Variants in PCDHA2 observed in about 807,000 individuals in gnomAD.
PCDHA2 encodes the protein protocadherin alpha 2.
Under a neutral mutation model 66.0 loss-of-function variants are expected in PCDHA2, and 58 were observed. That is an observed-to-expected ratio of 0.88 (90% CI 0.71 to 1.09). PCDHA2 has a LOEUF of 1.09. Ranked by LOEUF, PCDHA2 falls within the 50% of genes least tolerant of loss-of-function variation. PCDHA2 has a pLI of 0.00. For missense variants in PCDHA2, 1,267 were observed against 1,242.3 expected (o/e 1.02, Z -0.30); for synonymous variants, 634 against 554.0 (o/e 1.14, Z -2.03).
At chr5:140,986,530 G>C (rs1341824536) in intron 3 of PCDHA2, among the ~76,000 whole-genome samples, 1 of 152,162 alleles carries the variant, frequency 6.6e-6, no homozygotes, top group African/African-American at 2.4e-5. Context: ...GAGGGAACTG[G>C]CCTGGCTTCA....
At chr5:140,941,221 T>TTCTTTCTTTCTTTCTTTCTTTCTC (rs2092905955) in intron 1 of PCDHA2, among the ~76,000 whole-genome samples, 1 of 131,536 alleles carries the variant, frequency 7.6e-6, no homozygotes, top group Admixed American at 7.9e-5. Context: ...CTTCCTTTCT[T>TTCTTTCTTTCTTTCTTTCTTTCTC]TCTTTCTTTC....
chr5:140,927,077 G>A (rs568623488), intron 1 of PCDHA2: 1 of 1,610,844 alleles, frequency 6.2e-7, no homozygotes, highest in Non-Finnish European at 8.5e-7. Context: ...TCCAGCCACC[G>A]CGAGCTCTAC....
At chr5:140,950,043 A>T (rs1011500100) in intron 1 of PCDHA2, among the ~76,000 whole-genome samples, 1 of 151,950 alleles carries the variant, frequency 6.6e-6, no homozygotes, top group Non-Finnish European at 1.5e-5. Flanking sequence ...TTACAACCAT[A>T]TAAGACTATT....
At chr5:140,972,296 T>C (rs1303430452) in intron 1 of PCDHA2, among the ~76,000 whole-genome samples, 2 of 151,468 alleles carry the variant, frequency 1.3e-5, no homozygotes, top group Non-Finnish European at 2.9e-5. Flanking sequence ...TGCGCCACCG[T>C]GTCTGACTAG....
chr5:140,830,141 G>A (rs1770846453), intron 1 of PCDHA2: 1 of 1,613,282 alleles, frequency 6.2e-7, no homozygotes, highest in African/African-American at 1.3e-5. Context: ...ACGGGCGTCG[G>A]TGGGCGCCGC....
At chr5:140,852,971 C>G (rs2150526229) in intron 1 of PCDHA2, 1 of 376,366 alleles carries the variant, frequency 2.7e-6, no homozygotes, top group African/African-American at 2.2e-5. Flanking sequence ...CTCCCCCTCC[C>G]GTGTTCACGC....
rs150956127 is a variant in PCDHA2 at position 140,830,448 on chromosome 5, C to T, written c.2388+33096C>T. The T allele has an allele frequency of 8.1e-3, 12,933 of 1,600,458 alleles. 78 individuals are homozygous for T. The highest frequency in any genetic ancestry group is 9.4e-3 in the Non-Finnish European group (10,993 of 1,171,708). The stretch of plus-strand genomic sequence containing the variant: ...CCTTGTCCTATTATGATGGGTAAGG[C>T]GGAGAATCAGGATTTAAATGAAGAT... On this transcript the variant is annotated intron_variant, in intron 1 of 3. Transcript: ENST00000526136.
chr5:140,876,536 TG>T (rs781943442), intron 1 of PCDHA2: 1 of 1,614,238 alleles, frequency 6.2e-7, no homozygotes, highest in South Asian at 1.1e-5. Flanking sequence ...GTTACTTCAC[TG>T]TCGCTCCCTG....
At chr5:140,923,495 C>T (rs1274980788) in intron 1 of PCDHA2, among the ~76,000 whole-genome samples, 2 of 152,060 alleles carry the variant, frequency 1.3e-5, no homozygotes, top group African/African-American at 4.8e-5. Context: ...CACCACTGCA[C>T]TCCAGCCTGG....
intron 1 of PCDHA2, chr5:140,861,372 A>G (rs2046882996): frequency 8.6e-5 from 35 of 407,054 alleles, no homozygotes; most frequent in South Asian, 7.5e-4. Context: ...CGCGGTCCCT[A>G]TTGCGCAGGA....
intron 1 of PCDHA2, chr5:140,809,014 CG>C (rs1554124944): frequency 6.2e-7 from 1 of 1,613,716 alleles, no homozygotes; most frequent in South Asian, 1.1e-5. Context: ...GGCTTTCGTA[CG>C]AGCTGCAGCC....
intron 1 of PCDHA2, chr5:140,827,919 C>T (rs1769452946): frequency 1.1e-6 from 1 of 923,004 alleles, no homozygotes; most frequent in Non-Finnish European, 1.6e-6. Flanking sequence ...ATGTCGCTGT[C>T]TACCATGAAG....
chr5:140,888,077 A>T (rs575248983), intron 1 of PCDHA2, among the ~76,000 whole-genome samples: 2 of 152,238 alleles, frequency 1.3e-5, no homozygotes, highest in African/African-American at 4.8e-5. Flanking sequence ...TGCTAATTTC[A>T]ACATTTTTGT....
At chr5:140,937,500 C>T (rs2091549219) in intron 1 of PCDHA2, among the ~76,000 whole-genome samples, 1 of 152,024 alleles carries the variant, frequency 6.6e-6, no homozygotes, top group Admixed American at 6.6e-5. Context: ...ACCCGTAATC[C>T]CAGCTACTCA....
intron 1 of PCDHA2, chr5:140,823,038 G>A (rs2150121584): frequency 1.9e-6 from 3 of 1,614,120 alleles, no homozygotes; most frequent in African/African-American, 1.3e-5. Context: ...CGGTCTATGA[G>A]CTGGTGGTGA....
chr5:141,009,953 A>G lies in PCDHA2; in HGVS notation c.*16A>G, dbSNP rs782663496. 3 of 1,592,888 alleles carry G rather than the reference A, an allele frequency of 1.9e-6. No homozygotes were observed. Among genetic ancestry groups the G allele is most frequent in the Non-Finnish European group, 2.6e-6 (3 of 1,172,546 alleles). On this transcript the variant is annotated 3_prime_UTR_variant, in exon 4 of 4. Transcript: ENST00000526136. ...TGACCAGTGAGGTCCTCAAATGGAA[A>G]CAAGCCACTTAGCCAGTTTTTGTAA...
chr5:140,985,039 G>A lies in PCDHA2; in HGVS notation c.2536+2476G>A, dbSNP rs112093918. Among the ~76,000 whole-genome samples the A allele has an allele frequency of 5.2e-3, 789 of 152,178 alleles. 6 individuals carry two copies. Among genetic ancestry groups the A allele is most frequent in the African/African-American group, 0.018 (750 of 41,516 alleles). ...AGCAACCTCTGCCTCCTGGGTTCAA[G>A]TGATTCTCCTGCCTCAGCCTCCTGA... On this transcript the variant is annotated intron_variant, in intron 3 of 3. Transcript: ENST00000526136.
chr5:140,972,660 ATTTT>A (rs11350929), intron 1 of PCDHA2, among the ~76,000 whole-genome samples: 1 of 117,264 alleles, frequency 8.5e-6, no homozygotes. Flanking sequence ...AAGAAACCAA[ATTTT>A]TTTTTTTTTT....
At chr5:140,868,986 C>T in intron 1 of PCDHA2, 1 of 1,503,326 alleles carries the variant, frequency 6.7e-7, no homozygotes. Flanking sequence ...TACCGGATGC[C>T]ACCGTTTAAG....
Sources: gnomAD v4.1 joint callset for allele counts (sites outside exome capture counted in the v4.1 genomes callset) on GRCh38, gnomAD v4.1.1 for gene constraint, MANE v1.5 for transcripts, NCBI Gene and HGNC (gene_info 2026-07-23, HGNC 2026-07-21) for gene names.